The following CD2AP variants were observed in gnomAD, a reference collection of about 807,000 sequenced individuals.
CD2AP encodes the protein CD2 associated protein.
A neutral mutation model predicts 85.1 loss-of-function variants in CD2AP; 46 were observed. That is an observed-to-expected ratio of 0.54 (90% CI 0.43 to 0.69). The LOEUF (loss-of-function observed/expected upper bound fraction) is 0.69, where lower values mean the gene tolerates loss of function less well. Among genes scored for constraint, CD2AP ranks in the 30% least tolerant of loss-of-function variants. The probability of loss-of-function intolerance (pLI) is 0.00; values close to 1 mark genes in which losing one functional copy is unlikely to be tolerated. For missense variants in CD2AP, 769 were observed against 729.5 expected (o/e 1.05, Z -0.62); for synonymous variants, 255 against 252.9 (o/e 1.01, Z -0.08).
chr6:47,483,849 A>G (rs1436816934), intron 1 of CD2AP, among the ~76,000 whole-genome samples: 2 of 133,328 alleles, frequency 1.5e-5, no homozygotes, highest in East Asian at 4.3e-4. Flanking sequence ...TTTTCCTTTC[A>G]TACCCAATGT....
At chr6:47,598,571 C>T (rs558603060) in intron 12 of CD2AP, among the ~76,000 whole-genome samples, 10 of 150,696 alleles carry the variant, frequency 6.6e-5, no homozygotes, top group East Asian at 1.9e-4. Flanking sequence ...ACTACTCAGC[C>T]GTAAAAAAGA....
At chr6:47,595,661 C>T (rs1768919787) in intron 11 of CD2AP, among the ~76,000 whole-genome samples, 200 bp from the exon 12 acceptor site, 1 of 151,876 alleles carries the variant, frequency 6.6e-6, no homozygotes, top group African/African-American at 2.4e-5. Context: ...CCATAATAAA[C>T]ATTTTTTAAA....
chr6:47,493,496 C>A (rs1322141099), intron 1 of CD2AP, among the ~76,000 whole-genome samples: 1 of 151,722 alleles, frequency 6.6e-6, no homozygotes, highest in Non-Finnish European at 1.5e-5. Flanking sequence ...TAAAGATTTT[C>A]TCTGCCTTTG....
At chr6:47,606,123 G>C (rs370876825) in intron 13 of CD2AP, 42 bp from the exon 14 acceptor site, 1 of 1,031,752 alleles carries the variant, frequency 9.7e-7, no homozygotes, top group South Asian at 1.3e-5. Context: ...CTTTAAAAAG[G>C]TACAGTTCTC....
At chr6:47,531,691 T>C (rs910912977) in intron 2 of CD2AP, among the ~76,000 whole-genome samples, 1 of 152,060 alleles carries the variant, frequency 6.6e-6, no homozygotes, top group African/African-American at 2.4e-5. Flanking sequence ...CTATAGCTAG[T>C]AATAATTATA....
rs1561995360 is a variant in CD2AP at position 47,478,172 on chromosome 6, C to G, written c.-73C>G. On this transcript the variant is annotated 5_prime_UTR_variant, in exon 1 of 18. Coordinates refer to ENST00000359314, the MANE Select transcript of CD2AP (RefSeq NM_012120.3). ...CGGGTCCCGCCTCCAGCCGCGGGAGCGGCCGCGCGAGCCACCACTGGAGGA... is the reference window on the plus strand; with the variant it reads ...CGGGTCCCGCCTCCAGCCGCGGGAGGGGCCGCGCGAGCCACCACTGGAGGA... 2 of 1,542,170 alleles carry G rather than the reference C, an allele frequency of 1.3e-6. No individual in the cohort carries two copies. The highest frequency in any genetic ancestry group is 1.8e-6 in the Non-Finnish European group (2 of 1,140,566).
At chr6:47,611,768 C>T (rs529672041) in intron 16 of CD2AP, among the ~76,000 whole-genome samples, 25 of 152,084 alleles carry the variant, frequency 1.6e-4, no homozygotes, top group Admixed American at 8.5e-4. Flanking sequence ...TCCACTCCTT[C>T]TGTCCCCAGA....
chr6:47,588,001 A>G (rs748134392), intron 11 of CD2AP, among the ~76,000 whole-genome samples: 1 of 152,100 alleles, frequency 6.6e-6, no homozygotes, highest in Admixed American at 6.5e-5. Flanking sequence ...CAGTCAGTGG[A>G]TGGATTTATT....
chr6:47,558,062 C>T (rs1224064453), intron 5 of CD2AP, among the ~76,000 whole-genome samples: 1 of 152,036 alleles, frequency 6.6e-6, no homozygotes, highest in East Asian at 1.9e-4. Flanking sequence ...AGTTGGATTC[C>T]TAGGTATTTT....
At chr6:47,558,781 T>G (rs1189779547) in intron 5 of CD2AP, among the ~76,000 whole-genome samples, 1 of 152,164 alleles carries the variant, frequency 6.6e-6, no homozygotes, top group Non-Finnish European at 1.5e-5. Flanking sequence ...GCCTGAAATT[T>G]TCTTTTTTTT....
chr6:47,609,623 T>G, intron 16 of CD2AP: 1 of 247,438 alleles, frequency 4.0e-6, no homozygotes, highest in Non-Finnish European at 7.9e-6. Flanking sequence ...GTCTTGAGCC[T>G]GGGAAGTCAA....
chr6:47,509,737 C>A (rs956658817), intron 2 of CD2AP, among the ~76,000 whole-genome samples: 3 of 152,142 alleles, frequency 2.0e-5, no homozygotes, highest in Non-Finnish European at 4.4e-5. Context: ...CCTTTGCTGG[C>A]AGTGTGGTAT....
intron 11 of CD2AP, among the ~76,000 whole-genome samples, chr6:47,589,793 A>C (rs1768742864): frequency 6.6e-6 from 1 of 151,976 alleles, no homozygotes; most frequent in South Asian, 2.1e-4. Flanking sequence ...ATTAGAGTTC[A>C]AAGCTCATGA....
At chr6:47,579,287 A>G in intron 8 of CD2AP, 98 bp from the exon 9 acceptor site, 1 of 738,752 alleles carries the variant, frequency 1.4e-6, no homozygotes, top group South Asian at 1.5e-5. Flanking sequence ...GTGAGTCATG[A>G]TCGCATCACT....
At chr6:47,497,960 T>G (rs1009908430) in intron 1 of CD2AP, among the ~76,000 whole-genome samples, 8 of 152,192 alleles carry the variant, frequency 5.3e-5, no homozygotes, top group African/African-American at 1.7e-4. Flanking sequence ...AGTACTTATT[T>G]TATTCTGAGG....
chr6:47,573,737 T>C (rs1442251616), intron 5 of CD2AP, among the ~76,000 whole-genome samples: 1 of 151,998 alleles, frequency 6.6e-6, no homozygotes, highest in Non-Finnish European at 1.5e-5. Flanking sequence ...GATCTGCCAG[T>C]CTCAGCCTCC....
rs575103366 is a variant in CD2AP at position 47,586,706 on chromosome 6, G to A, written c.1108+4641G>A. Among the ~76,000 whole-genome samples the A allele has an allele frequency of 2.0e-4, 31 of 152,144 alleles. No individual in the cohort carries two copies. The South Asian group carries it at 5.8e-3, about 28-fold the overall frequency. On this transcript the variant is annotated intron_variant, in intron 11 of 17. Transcript: ENST00000359314. ...AAATTACTTTTGGTAGAAGGAAAACGATACTAGATTGGCAGTTGGTATTAC... is the reference window on the plus strand; with the variant it reads ...AAATTACTTTTGGTAGAAGGAAAACAATACTAGATTGGCAGTTGGTATTAC...
chr6:47,561,999 C>T lies in CD2AP; in HGVS notation c.541+7233C>T, dbSNP rs190566173. Among the ~76,000 whole-genome samples the T allele has an allele frequency of 1.3e-3, 192 of 152,214 alleles. 2 individuals are homozygous for T. In the East Asian group the frequency reaches 0.013, roughly 11 times the overall value. ...TTAGCCAAGATGGTCTCAATGACCTCGTGATCCGCCCACCTCGGCCTCTTA... is the reference window on the plus strand; with the variant it reads ...TTAGCCAAGATGGTCTCAATGACCTTGTGATCCGCCCACCTCGGCCTCTTA... On this transcript the variant is annotated intron_variant, in intron 5 of 17. Coordinates refer to ENST00000359314, the MANE Select transcript of CD2AP (RefSeq NM_012120.3).
At chr6:47,601,350 C>G (rs1769125377) in intron 13 of CD2AP, among the ~76,000 whole-genome samples, 1 of 151,916 alleles carries the variant, frequency 6.6e-6, no homozygotes, top group South Asian at 2.1e-4. Flanking sequence ...TGAGACTTAG[C>G]CAAGTCAGAA....
Sources: allele counts gnomAD v4.1 joint callset (sites outside exome capture counted in the v4.1 genomes callset), GRCh38; gene constraint gnomAD v4.1.1; transcripts MANE v1.5; gene names NCBI Gene and HGNC (gene_info 2026-07-23, HGNC 2026-07-21).